Variants in GGN observed in about 807,000 individuals in gnomAD.
GGN encodes the protein gametogenetin.
GGN carries 27 observed loss-of-function variants against 35.5 expected under a neutral mutation model. The observed-to-expected ratio is 0.76, with a 90% confidence interval of 0.56 to 1.05. The LOEUF is 1.05. GGN is among the 50% of genes least tolerant of loss of function. The pLI is 0.00. For missense variants in GGN, 1,006 were observed against 940.7 expected (o/e 1.07, Z -0.91); for synonymous variants, 425 against 444.1 (o/e 0.96, Z 0.54).
rs115109131 is a variant in GGN, at chr19:38,384,299, G to T, written c.*113C>A. ...CAAGATGTGCTTTAATGGCGATCCT[G>T]CCCTGCTGCACCCTACCCACTGCCT... On this transcript the variant is annotated 3_prime_UTR_variant, in exon 4 of 4. Coordinates refer to ENST00000334928, the MANE Select transcript of GGN (RefSeq NM_152657.4). 2,060 of 765,540 alleles carry T rather than the reference G, an allele frequency of 2.7e-3. 26 individuals are homozygous for T. In the African/African-American group the frequency reaches 0.029, roughly 11 times the overall value. The allele number at this position is 765,540 out of a possible 1,614,324, so 47.4% of individuals were successfully genotyped here.
Position 38,387,662 on chromosome 19 carries a change from T to G in GGN, c.-20+99A>C. ...TCCTCAGGCCTCACCCCTAAACCTC[T>G]TCCCGCTCCAGGTCTACTAGCTGGC... is the stretch of plus-strand genomic sequence containing the variant. On this transcript the variant is annotated intron_variant, in intron 2 of 3. Coordinates refer to ENST00000334928, the MANE Select transcript of GGN (RefSeq NM_152657.4). The surrounding 1 kb of genome is among the most constrained non-coding windows in gnomAD (Gnocchi z 5.3). 12 of 183,680 alleles carry G rather than the reference T, an allele frequency of 6.5e-5. No homozygotes were observed. The highest frequency in any genetic ancestry group is 2.9e-4 in the East Asian group (2 of 6,806). The allele number at this position is 183,680 out of a possible 1,614,324, so 11.4% of individuals were successfully genotyped here.
At position 38,386,971 on chromosome 19, in the gene GGN, G is replaced by A. The variant is rs1288662975; in HGVS notation, c.291C>T (p.Pro97=). ...GCAGCAGAGTCCCCGCGGGGGCCGGGGGTGGTGCAGAGACCGCGGCCGCCT... is the reference window on the plus strand; with the variant it reads ...GCAGCAGAGTCCCCGCGGGGGCCGGAGGTGGTGCAGAGACCGCGGCCGCCT... ...PEEAAAVSAP[P]PAPAGTLLPG... is the part of the protein sequence containing the mutation. The change falls in exon 3 of 4, where the codon CCC becomes CCT. Residue 97 remains proline (P), a synonymous_variant. Transcript: ENST00000334928. The A allele has an allele frequency of 6.5e-7, 1 of 1,540,890 alleles. No homozygotes were observed. Among genetic ancestry groups the A allele is most frequent in the Non-Finnish European group, 8.7e-7 (1 of 1,143,972 alleles).
At position 38,386,186 on chromosome 19, in the gene GGN, C is replaced by T. The variant is rs938041960; in HGVS notation, c.1076G>A (p.Gly359Asp). 1 of 1,600,332 alleles carries T rather than the reference C, an allele frequency of 6.2e-7. No individual in the cohort carries two copies. The highest frequency in any genetic ancestry group is 8.5e-7 in the Non-Finnish European group (1 of 1,177,704). Residue 359 changes from glycine (G) to aspartate (D), a missense_variant, in exon 3 of 4, where the codon GGC becomes GAC. Coordinates refer to ENST00000334928, the MANE Select transcript of GGN (RefSeq NM_152657.4). ...GTTGAAGCGGAAGTGGCGTTCAGGG[C>T]CGTCGGGAGCGCTAACCCAGTCGAA... ...PKFDWVSAPD[G>D]PERHFRFNGA...
rs150853649 is a variant in GGN at position 38,385,654 on chromosome 19, G to T, written c.1608C>A (p.Gly536=). 339 of 1,613,890 alleles carry T rather than the reference G, an allele frequency of 2.1e-4. No individual in the cohort carries two copies. The East Asian group carries it at 7.4e-3, about 35-fold the overall frequency. The change falls in exon 3 of 4, where the codon GGC becomes GGA. Residue 536 remains glycine (G), a synonymous_variant. Transcript: ENST00000334928. ...CATGCAAGCCATCCTTACGGGTCGC[G>T]CCCCGGGCTGCACGGGAACCCTTGT... ...RRNKGSRAAR[G]ATRKDGLHGD...
Position 38,387,014 on chromosome 19 carries a change from A to C in GGN, c.248T>G (p.Val83Gly). Residue 83 changes from valine to glycine, a missense_variant, in exon 3 of 4, where the codon GTG becomes GGG. By Grantham distance (109) the Val-to-Gly change is moderately radical. Coordinates refer to ENST00000334928, the MANE Select transcript of GGN (RefSeq NM_152657.4). This position sits in a 1 kb window ranked among gnomAD's most constrained non-coding sequence, Gnocchi z 5.3. ...LPLTLERPSP[V>G]MPPPEEAAAV... The stretch of plus-strand genomic sequence containing the variant: ...GGCCGCCTCTTCAGGAGGGGGCATC[A>C]CTGGAGAGGGCCGTTCTAAGGTGAG... 2 of 1,544,992 alleles carry C rather than the reference A, an allele frequency of 1.3e-6. No homozygotes were observed. The highest frequency in any genetic ancestry group is 2.4e-5 in the South Asian group (2 of 81,774).
rs199606056 is a variant in GGN at position 38,384,353 on chromosome 19, C to G, written c.*59G>C. On this transcript the variant is annotated 3_prime_UTR_variant, in exon 4 of 4. Transcript: ENST00000334928. ...CGAGTGATTGACAGGCTGCTGGCAT[C>G]TGGATTGGTTATTTTATTGGCATGG... The G allele has an allele frequency of 9.1e-5, 116 of 1,270,512 alleles. No individual in the cohort carries two copies. The highest frequency in any genetic ancestry group is 1.3e-4 in the Non-Finnish European group (111 of 872,532). The allele number at this position is 1,270,512 out of a possible 1,614,324, so 78.7% of individuals were successfully genotyped here. A position where few individuals can be genotyped will look rare whatever the true frequency, so the allele number is the denominator to read the frequency against.
In GGN at chr19:38,387,117, C is replaced by T. The variant is rs773360464; in HGVS notation, c.145G>A (p.Val49Ile). ...QAMRLTRGLG[V>I]WFPGSATPPG... ...GGTGTGGCGCTGCCAGGGAACCAGA[C>T]ACCCAGCCCACGAGTCAGGCGCATG... The change falls in exon 3 of 4, where the codon GTC becomes ATC. Residue 49 changes from valine (V) to isoleucine (I), a missense_variant. By Grantham distance (29) the Val-to-Ile change is conservative (BLOSUM62 3). Coordinates refer to ENST00000334928, the MANE Select transcript of GGN (RefSeq NM_152657.4). This position sits in a 1 kb window ranked among gnomAD's most constrained non-coding sequence, Gnocchi z 5.3. 15 of 1,562,028 alleles carry T rather than the reference C, an allele frequency of 9.6e-6. No homozygotes were observed. Among genetic ancestry groups the T allele is most frequent in the East Asian group, 2.4e-5 (1 of 41,490 alleles).
At position 38,385,327 on chromosome 19, in the gene GGN, C is replaced by T. The variant is rs914791956; in HGVS notation, c.1841+94G>A. 2.0e-5 allele frequency: 31 copies of T among 1,527,836 alleles called. No individual in the cohort carries two copies. In the South Asian group the frequency reaches 2.7e-4, roughly 13 times the overall value. The allele number at this position is 1,527,836 out of a possible 1,614,324, so 94.6% of individuals were successfully genotyped here. A position where few individuals can be genotyped will look rare whatever the true frequency, so the allele number is the denominator to read the frequency against. ...TGAGATGTGGCAGAGATGAAGGCCACGGGTCATTCTAGGGTCAGGAAGCCA... is the reference window on the plus strand; with the variant it reads ...TGAGATGTGGCAGAGATGAAGGCCATGGGTCATTCTAGGGTCAGGAAGCCA... On this transcript the variant is annotated intron_variant, in intron 3 of 3. Transcript: ENST00000334928.
intron 3 of GGN, 93 bp downstream of exon 3, chr19:38,385,328 G>T: frequency 6.5e-7 from 1 of 1,532,902 alleles, no homozygotes; most frequent in South Asian, 1.2e-5. Flanking sequence ...TGAAGGCCAC[G>T]GGTCATTCTA....
In GGN at chr19:38,386,972, G is replaced by A. The variant is rs1441068524; in HGVS notation, c.290C>T (p.Pro97Leu). The A allele has an allele frequency of 1.3e-6, 2 of 1,541,638 alleles. No individual in the cohort carries two copies. Among genetic ancestry groups the A allele is most frequent in the South Asian group, 2.5e-5 (2 of 80,734 alleles). The change falls in exon 3 of 4, where the codon CCC becomes CTC. Residue 97 changes from proline to leucine, a missense_variant. Coordinates refer to ENST00000334928, the MANE Select transcript of GGN (RefSeq NM_152657.4). ...PEEAAAVSAP[P>L]PAPAGTLLPG... is the part of the protein sequence containing the mutation. ...CAGCAGAGTCCCCGCGGGGGCCGGG[G>A]GTGGTGCAGAGACCGCGGCCGCCTC...
intron 3 of GGN, among the ~76,000 whole-genome samples, chr19:38,385,067 T>C (rs1465196818): frequency 6.6e-6 from 1 of 152,172 alleles, no homozygotes; most frequent in Non-Finnish European, 1.5e-5. Flanking sequence ...CTGAGTGGCC[T>C]CGGACGTGGT....
rs560394131 is a variant in GGN, at chr19:38,387,227, C to T, written c.35G>A (p.Gly12Glu). The T allele has an allele frequency of 3.2e-5, 51 of 1,595,510 alleles. No individual in the cohort carries two copies. In the Admixed American group the frequency reaches 7.1e-4, roughly 22 times the overall value. Residue 12 changes from glycine to glutamate, a missense_variant, in exon 3 of 4, where the codon GGG becomes GAG. Gly to Glu is a moderately conservative substitution (Grantham distance 98). Coordinates refer to ENST00000334928, the MANE Select transcript of GGN (RefSeq NM_152657.4). This position sits in a 1 kb window ranked among gnomAD's most constrained non-coding sequence, Gnocchi z 5.3. ...CGAGGGCTGCACTTTTCGGGAGCCCCCGCCCGCGGATGGCTCCGACTGCAA... is the reference window on the plus strand; with the variant it reads ...CGAGGGCTGCACTTTTCGGGAGCCCTCGCCCGCGGATGGCTCCGACTGCAA... ...GNLQSEPSAG[G>E]GSRKVQPSDR...
In GGN at chr19:38,385,735, C is replaced by A. The variant is rs1207944998; in HGVS notation, c.1527G>T (p.Pro509=). ...APAPTVAEPS[P]PVSAPAPAAA... The stretch of plus-strand genomic sequence containing the variant: ...CCGCGGGTGCGGGCGCGGACACAGG[C>A]GGCGAGGGCTCAGCCACGGTGGGAG... Residue 509 remains proline, a synonymous_variant, in exon 3 of 4, where the codon CCG becomes CCT. Transcript: ENST00000334928. 2.5e-6 allele frequency: 4 copies of A among 1,593,248 alleles called. No individual in the cohort carries two copies. The highest frequency in any genetic ancestry group is 2.6e-6 in the Non-Finnish European group (3 of 1,171,582).
At position 38,385,540 on chromosome 19, in the gene GGN, T is replaced by G. The variant is rs966424341; in HGVS notation, c.1722A>C (p.Ala574=). Residue 574 remains alanine, a synonymous_variant, in exon 3 of 4, where the codon GCA becomes GCC. Transcript: ENST00000334928. ...AGTGGCGCGCAGCGCGGGTGTTAGC[T>G]GCCCCAGTCTGAGAGGCCCCGCTGC... ...GGGSGASQTG[A]ANTRAARHWL... 6.2e-7 allele frequency: 1 copy of G among 1,613,972 alleles called. No individual in the cohort carries two copies. Among genetic ancestry groups the G allele is most frequent in the Non-Finnish European group, 8.5e-7 (1 of 1,180,026 alleles).
Position 38,385,417 on chromosome 19 carries a change from T to A in GGN, c.1841+4A>T. 1 of 1,613,700 alleles carries A rather than the reference T, an allele frequency of 6.2e-7. No homozygotes were observed. The highest frequency in any genetic ancestry group is 8.5e-7 in the Non-Finnish European group (1 of 1,179,988). ...GCACCCTCCTGTCCCTTCTCCCCTC[T>A]CACCAGGCAGAGACGTTGCGTGGCA... On this transcript the variant is annotated splice_donor_region_variant and intron_variant, in intron 3 of 3. Transcript: ENST00000334928.
chr19:38,386,549 C>A lies in GGN; in HGVS notation c.713G>T (p.Gly238Val). 1 of 1,613,516 alleles carries A rather than the reference C, an allele frequency of 6.2e-7. No homozygotes were observed. The highest frequency in any genetic ancestry group is 8.5e-7 in the Non-Finnish European group (1 of 1,179,970). The change falls in exon 3 of 4, where the codon GGT becomes GTT. Residue 238 changes from glycine (G) to valine (V), a missense_variant. Transcript: ENST00000334928. ...GGTGATTTTACACAGCAGGCTCAGA[C>A]CGGACTCGGAATCCGCAGGCTGGGC... ...EMAQPADSES[G>V]LSLLCKITFK...
chr19:38,384,901 C>T (rs565356246), intron 3 of GGN, among the ~76,000 whole-genome samples: 1 of 152,326 alleles, frequency 6.6e-6, no homozygotes, highest in African/African-American at 2.4e-5. Flanking sequence ...CATCAGTGCC[C>T]TCTGGCGGCT....
rs1461428271 is a variant in GGN at position 38,387,573 on chromosome 19, C to A, written c.-20+188G>T. 6.6e-6 allele frequency among the ~76,000 whole-genome samples: 1 copy of A among 152,174 alleles called. No homozygotes were observed. The highest frequency in any genetic ancestry group is 6.5e-5 in the Admixed American group (1 of 15,290). On this transcript the variant is annotated intron_variant, in intron 2 of 3. Coordinates refer to ENST00000334928, the MANE Select transcript of GGN (RefSeq NM_152657.4). The surrounding 1 kb of genome is among the most constrained non-coding windows in gnomAD (Gnocchi z 5.3). ...CTGATCCCTCAGTCCTCTCCTCTAA[C>A]TCTCCGACTCCCCGCCTCTCTCTAG...
rs753220615 is a variant in GGN, at chr19:38,386,457, C to G, written c.805G>C (p.Gly269Arg). 96 of 1,612,910 alleles carry G rather than the reference C, an allele frequency of 6.0e-5. No individual in the cohort carries two copies. The highest frequency in any genetic ancestry group is 7.5e-5 in the Non-Finnish European group (88 of 1,180,000). Residue 269 changes from glycine to arginine, a missense_variant, in exon 3 of 4, where the codon GGG (glycine) becomes CGG (arginine). Physicochemically the swap from Gly to Arg is moderately radical, Grantham distance 125. Transcript: ENST00000334928. ...SSSLAAKASLGGGGGGGLFAA... is the reference protein window; with the variant it reads ...SSSLAAKASLRGGGGGGLFAA... ...AAGAGGCCGCCGCCTCCGCCGCCCC[C>G]CAGCGAAGCTTTGGCTGCTAAGGAA...
Sources: allele counts gnomAD v4.1 joint callset (sites outside exome capture counted in the v4.1 genomes callset), GRCh38; gene constraint gnomAD v4.1.1; non-coding constraint Gnocchi (gnomAD v3.1); transcripts MANE v1.5; gene names NCBI Gene and HGNC (gene_info 2026-07-23, HGNC 2026-07-21).